SPEG: variants seen among roughly 807,000 people sequenced by gnomAD.
SPEG encodes striated muscle enriched protein kinase.
A neutral mutation model predicts 300.4 loss-of-function variants in SPEG; 114 were observed. That is an observed-to-expected ratio of 0.38 (90% CI 0.33 to 0.44). SPEG has a LOEUF of 0.44. Ranked by LOEUF, SPEG falls within the 20% of genes least tolerant of loss-of-function variation. SPEG has a pLI of 1.00. For missense variants in SPEG, 4,201 were observed against 4,586.2 expected, an observed-to-expected ratio of 0.92 and a Z score of 2.43; for synonymous variants, 1,964 against 2,018.9, an observed-to-expected ratio of 0.97 and a Z score of 0.73.
rs748651561 is a variant in SPEG, at chr2:219,443,079, A to G, written c.389-1574A>G. The G allele has an allele frequency of 3.1e-6, 5 of 1,607,740 alleles. No homozygotes were observed. The South Asian group carries it at 5.5e-5, about 18-fold the overall frequency. ...GACCTTAGGAACAAGCCTCCCCCTC[A>G]ACTACTCATTCTGGCTTTTCTCTTT... is the stretch of plus-strand genomic sequence containing the variant. On this transcript the variant is annotated intron_variant, in intron 1 of 40. Coordinates refer to ENST00000312358, the MANE Select transcript of SPEG (RefSeq NM_005876.5). The surrounding 1 kb of genome is among the most constrained non-coding windows in gnomAD (Gnocchi z 4.6).
In SPEG at chr2:219,445,256, GC is replaced by G; in HGVS notation, c.815+99del. The G allele has an allele frequency of 8.6e-7, 1 of 1,162,374 alleles. No homozygotes were observed. Among genetic ancestry groups the G allele is most frequent in the Non-Finnish European group, 1.3e-6 (1 of 799,232 alleles). 72.0% of individuals were successfully genotyped at this position (1,162,374 alleles called of 1,614,324 possible). A position where few individuals can be genotyped will look rare whatever the true frequency, so the allele number is the denominator to read the frequency against. ...TCAGTCAGCCTCCACCCATCACCCT[GC>G]CCCATCCATCTCTCTGTGCATTTCT... On this transcript the variant is annotated intron_variant, in intron 3 of 40. Coordinates refer to ENST00000312358, the MANE Select transcript of SPEG (RefSeq NM_005876.5). This position sits in a 1 kb window ranked among gnomAD's most constrained non-coding sequence, Gnocchi z 6.1.
intron 6 of SPEG, among the ~76,000 whole-genome samples, chr2:219,457,876 T>C (rs1191451586): frequency 2.0e-5 from 3 of 152,202 alleles, no homozygotes; most frequent in Admixed American, 2.0e-4. Flanking sequence ...GGAATACTTT[T>C]CCCTTTTTCC....
At position 219,488,314 on chromosome 2, in the gene SPEG, A is replaced by G; in HGVS notation, c.7858+4A>G. On this transcript the variant is annotated splice_donor_region_variant and intron_variant, in intron 32 of 40. Transcript: ENST00000312358. ...CCGCACATCTCCTGGATGAAAGGTAAGGAGACTCTGTCTCCCACAGAGAGG... is the reference window on the plus strand; with the variant it reads ...CCGCACATCTCCTGGATGAAAGGTAGGGAGACTCTGTCTCCCACAGAGAGG... 1 of 1,602,772 alleles carries G rather than the reference A, an allele frequency of 6.2e-7. No homozygotes were observed. Among genetic ancestry groups the G allele is most frequent in the Non-Finnish European group, 8.5e-7 (1 of 1,172,836 alleles).
rs1257508372 is a variant in SPEG at position 219,484,516 on chromosome 2, G to C, written c.7053G>C (p.Leu2351=). 1 of 1,597,282 alleles carries C rather than the reference G, an allele frequency of 6.3e-7. No homozygotes were observed. The highest frequency in any genetic ancestry group is 1.7e-5 in the Admixed American group (1 of 58,194). The change falls in exon 30 of 41, where the codon CTG becomes CTC. Residue 2351 remains leucine (L), a synonymous_variant. Coordinates refer to ENST00000312358, the MANE Select transcript of SPEG (RefSeq NM_005876.5). ...CGCCCCTGTCGCTGGGGCTGCGGCT[G>C]CTGAGCCGTTCGCGCTCGGAGGAGC... ...RESPLSLGLR[L]LSRSRSEERG...
rs1203293402 is a variant in SPEG, at chr2:219,483,544, G to A, written c.6081G>A (p.Glu2027=). The change falls in exon 30 of 41, where the codon GAG becomes GAA. Residue 2027 remains glutamate (E), a synonymous_variant. Transcript: ENST00000312358. ...CCCTGCCCCGGGCCGGGCCGCGGGA[G>A]CTGGGCCGGGGCCTGCACAAGGCGG... ...ESALPRAGPR[E]LGRGLHKAAS... The A allele has an allele frequency of 7.1e-7, 1 of 1,407,480 alleles. No homozygotes were observed. 87.2% of individuals were successfully genotyped at this position (1,407,480 alleles called of 1,614,324 possible).
chr2:219,451,819 A>G lies in SPEG; in HGVS notation c.2440+12A>G, dbSNP rs1032138951. The stretch of plus-strand genomic sequence containing the variant: ...GACCGTGAGACCCGGTAGGGAGCCC[A>G]TCAACCCTGGGGCTGGGTGGGGGCA... On this transcript the variant is annotated intron_variant, in intron 6 of 40. Coordinates refer to ENST00000312358, the MANE Select transcript of SPEG (RefSeq NM_005876.5). This position sits in a 1 kb window ranked among gnomAD's most constrained non-coding sequence, Gnocchi z 6.4. The G allele has an allele frequency of 2.6e-6, 4 of 1,522,276 alleles. No homozygotes were observed. Among genetic ancestry groups the G allele is most frequent in the Admixed American group, 2.0e-5 (1 of 49,578 alleles). 94.3% of individuals were successfully genotyped at this position (1,522,276 alleles called of 1,614,324 possible). A position where few individuals can be genotyped will look rare whatever the true frequency, so the allele number is the denominator to read the frequency against.
At position 219,489,890 on chromosome 2, in the gene SPEG, C is replaced by T. The variant is rs764429761; in HGVS notation, c.8872C>T (p.Arg2958Ter). Reference sequence around the variant, plus strand: ...TCCCAGGCCTGAGGGTACCACTCTTCGACAGGGTCCCCCTCAGAAACCCTA... The same window carrying T: ...TCCCAGGCCTGAGGGTACCACTCTTTGACAGGGTCCCCCTCAGAAACCCTA... ...SSPRPEGTTL[R>*]QGPPQKPYTF... The change falls in exon 36 of 41, where the codon CGA (arginine) becomes TGA (stop). Residue 2958 changes from arginine to a stop codon, truncating the protein, a stop_gained. Coordinates refer to ENST00000312358, the MANE Select transcript of SPEG (RefSeq NM_005876.5). LOFTEE classifies it high-confidence loss of function. 3.1e-6 allele frequency: 5 copies of T among 1,598,586 alleles called. No homozygotes were observed. Among genetic ancestry groups the T allele is most frequent in the South Asian group, 1.1e-5 (1 of 90,240 alleles).
At position 219,469,052 on chromosome 2, in the gene SPEG, C is replaced by T. The variant is rs1234150129; in HGVS notation, c.3491+4C>T. ...GGACAGCCGCCTCAGGCCCCAGGTA[C>T]CACCGGGGCCCCAAATGATGCTGGG... On this transcript the variant is annotated splice_donor_region_variant and intron_variant, in intron 12 of 40. Coordinates refer to ENST00000312358, the MANE Select transcript of SPEG (RefSeq NM_005876.5). 5 of 1,610,096 alleles carry T rather than the reference C, an allele frequency of 3.1e-6. No individual in the cohort carries two copies. The highest frequency in any genetic ancestry group is 4.2e-6 in the Non-Finnish European group (5 of 1,177,976).
chr2:219,469,422 C>T (rs1409136104), intron 13 of SPEG, 43 bp downstream of exon 13: 6 of 1,510,356 alleles, frequency 4.0e-6, no homozygotes, highest in Non-Finnish European at 5.5e-6. Context: ...CCTGCAGCAC[C>T]CACTTGGCTT....
In SPEG at chr2:219,490,474, T is replaced by A. The variant is rs1693869672; in HGVS notation, c.8987T>A (p.Ile2996Asn). Residue 2996 changes from isoleucine to asparagine, a missense_variant, in exon 37 of 41, where the codon ATC becomes AAC. Around this residue, in one of 4 missense-constraint regions of SPEG, gnomAD observed 318 missense variants for 429.5 expected, o/e 0.74. Coordinates refer to ENST00000312358, the MANE Select transcript of SPEG (RefSeq NM_005876.5). ...ACGGGGCGAACGTTCGTGGCCAAGA[T>A]CGTGCCCTATGCTGCCGAGGGCAAG... ...NATGRTFVAKIVPYAAEGKRR... is the reference protein window; with the variant it reads ...NATGRTFVAKNVPYAAEGKRR... 1 of 1,613,306 alleles carries A rather than the reference T, an allele frequency of 6.2e-7. No individual in the cohort carries two copies. Among genetic ancestry groups the A allele is most frequent in the African/African-American group, 1.3e-5 (1 of 74,914 alleles).
chr2:219,466,419 T>C, intron 9 of SPEG: 1 of 1,290,632 alleles, frequency 7.7e-7, no homozygotes, highest in Non-Finnish European at 9.8e-7. Context: ...TGTCTATCTG[T>C]TTGTCTGTCT....
Position 219,462,042 on chromosome 2 carries a change from AC to A in SPEG, c.2607del (p.Thr870ProfsTer11). On this transcript the variant is annotated frameshift_variant, in exon 7 of 41. Coordinates refer to ENST00000312358, the MANE Select transcript of SPEG (RefSeq NM_005876.5). LOFTEE classifies it high-confidence loss of function. ...GTTCTTCTGACACTGGCTCCAAGGC[AC>A]CCCCCACCTTCAAGGTCAGACCCCT... ...RRSSDTGSKAPPTFKVSLMDQ... is the reference protein window; with the variant it reads ...RRSSDTGSKAXPTFKVSLMDQ... 2 of 1,602,284 alleles carry A rather than the reference AC, an allele frequency of 1.2e-6. No homozygotes were observed. The highest frequency in any genetic ancestry group is 2.2e-5 in the East Asian group (1 of 44,604).
chr2:219,452,507 C>T (rs941079453), intron 6 of SPEG, among the ~76,000 whole-genome samples: 6 of 152,146 alleles, frequency 3.9e-5, no homozygotes, highest in Admixed American at 2.0e-4. Context: ...GACCCCGGGC[C>T]TGGGGTTCGG....
chr2:219,454,542 C>CT (rs1559376862), intron 6 of SPEG, among the ~76,000 whole-genome samples: 1 of 152,234 alleles, frequency 6.6e-6, no homozygotes, highest in Non-Finnish European at 1.5e-5. Flanking sequence ...TTCCCAAGCC[C>CT]TTTCACGTCT....
chr2:219,466,266 A>G, intron 9 of SPEG: 1 of 1,428,496 alleles, frequency 7.0e-7, no homozygotes, highest in Non-Finnish European at 9.1e-7. Flanking sequence ...TCCCTCCCCA[A>G]GTGGACACAT....
In SPEG at chr2:219,435,313, C is replaced by G; in HGVS notation, c.336C>G (p.Asn112Lys). 1 of 1,534,584 alleles carries G rather than the reference C, an allele frequency of 6.5e-7. No homozygotes were observed. The highest frequency in any genetic ancestry group is 1.2e-5 in the South Asian group (1 of 84,450). Residue 112 changes from asparagine to lysine, a missense_variant, in exon 1 of 41, where the codon AAC becomes AAG. By Grantham distance (94) the Asn-to-Lys change is moderately conservative (BLOSUM62 0). This residue lies in a region of SPEG where 1,258 missense variants were observed against 1,293.9 expected (regional missense o/e 0.97). Coordinates refer to ENST00000312358, the MANE Select transcript of SPEG (RefSeq NM_005876.5). The part of the protein sequence containing the change: ...DAGVYSCMAQ[N>K]ERGRASCEAV... ...GCGTGTACAGCTGCATGGCCCAGAA[C>G]GAGCGGGGCCGGGCCTCCTGCGAGG...
In SPEG at chr2:219,448,060, C is replaced by A. The variant is rs1156992455; in HGVS notation, c.902C>A (p.Pro301Gln). 1 of 1,611,108 alleles carries A rather than the reference C, an allele frequency of 6.2e-7. No homozygotes were observed. The highest frequency in any genetic ancestry group is 8.5e-7 in the Non-Finnish European group (1 of 1,179,402). ...ASEAPRRPAQ[P>Q]PPSKSALLPP... ...GAAGCCCCACGCCGCCCTGCCCAGC[C>A]GCCTCCTTCCAAATCCGCGCTGCTC... Residue 301 changes from proline to glutamine, a missense_variant, in exon 4 of 41, where the codon CCG (proline) becomes CAG (glutamine). This residue lies in a region of SPEG where 1,258 missense variants were observed against 1,293.9 expected (regional missense o/e 0.97). Coordinates refer to ENST00000312358, the MANE Select transcript of SPEG (RefSeq NM_005876.5).
chr2:219,488,155 G>A, intron 31 of SPEG, 39 bp from the exon 32 acceptor site: 2 of 1,421,376 alleles, frequency 1.4e-6, no homozygotes. Flanking sequence ...GTGGGCCAGG[G>A]TCCCTACAGA....
chr2:219,481,682 T>C lies in SPEG; in HGVS notation c.5565+2T>C. On this transcript the variant is annotated splice_donor_variant, in intron 28 of 40. Coordinates refer to ENST00000312358, the MANE Select transcript of SPEG (RefSeq NM_005876.5). LOFTEE classifies it high-confidence loss of function. This position sits in a 1 kb window ranked among gnomAD's most constrained non-coding sequence, Gnocchi z 5.4. Reference sequence around the variant, plus strand: ...ACCCTAGAACATCCTTGGTTCAAAGTGAGTCTAGTCTGCAAAGTGGTGGCA... The same window carrying C: ...ACCCTAGAACATCCTTGGTTCAAAGCGAGTCTAGTCTGCAAAGTGGTGGCA... 6.2e-7 allele frequency: 1 copy of C among 1,614,028 alleles called. No individual in the cohort carries two copies. The highest frequency in any genetic ancestry group is 8.5e-7 in the Non-Finnish European group (1 of 1,179,880).
Sources: allele counts gnomAD v4.1 joint callset (sites outside exome capture counted in the v4.1 genomes callset), GRCh38; gene constraint gnomAD v4.1.1; regional missense constraint gnomAD v4.1.1; non-coding constraint Gnocchi (gnomAD v3.1); transcripts MANE v1.5; gene names NCBI Gene and HGNC (gene_info 2026-07-23, HGNC 2026-07-21).